BTLA: variants seen among roughly 807,000 people sequenced by gnomAD.
The protein encoded by BTLA is B- and T-lymphocyte attenuator.
In BTLA, 11 loss-of-function variants were observed where a neutral mutation model predicts 25.0. That is an observed-to-expected ratio of 0.44 (90% CI 0.28 to 0.73). BTLA has a LOEUF of 0.73. Among genes scored for constraint, BTLA ranks in the 30% least tolerant of loss-of-function variants. The pLI is 0.15. For missense variants in BTLA, 282 were observed against 332.8 expected, an observed-to-expected ratio of 0.85 and a Z score of 1.19; for synonymous variants, 104 against 119.8, an observed-to-expected ratio of 0.87 and a Z score of 0.86.
chr3:112,494,277 GGA>G (rs1417329436), intron 1 of BTLA, among the ~76,000 whole-genome samples: 1 of 152,148 alleles, frequency 6.6e-6, no homozygotes, highest in Non-Finnish European at 1.5e-5. Flanking sequence ...GCAAGTCTGT[GGA>G]GAATTAGGAA....
intron 2 of BTLA, among the ~76,000 whole-genome samples, chr3:112,473,116 C>A (rs1343372648): frequency 6.6e-6 from 1 of 151,180 alleles, no homozygotes; most frequent in Non-Finnish European, 1.5e-5. Flanking sequence ...CTCAAAACTC[C>A]CCCTAACTTA....
intron 1 of BTLA, among the ~76,000 whole-genome samples, chr3:112,482,792 G>A (rs1039512970): frequency 6.6e-6 from 1 of 152,016 alleles, no homozygotes; most frequent in Non-Finnish European, 1.5e-5. Context: ...ATAAGGATGA[G>A]GTTTTCAAAA....
chr3:112,483,083 A>G (rs4682410), intron 1 of BTLA, among the ~76,000 whole-genome samples: 115,248 of 150,746 alleles, frequency 0.76, 49,356 homozygotes, highest in Non-Finnish European at 0.96. Context: ...TTTACCCTCA[A>G]AGAGTTTACC....
At position 112,464,415 on chromosome 3, in the gene BTLA, A is replaced by G. The variant is rs1050575700; in HGVS notation, c.*1693T>C. The G allele has an allele frequency of 2.9e-6, 1 of 345,090 alleles. No homozygotes were observed. Among genetic ancestry groups the G allele is most frequent in the East Asian group, 4.1e-5 (1 of 24,572 alleles). The allele number at this position is 345,090 out of a possible 1,614,324, so 21.4% of individuals were successfully genotyped here. ...TCCTGTTTCTATTTTTAAGAATACC[A>G]CAAGCAGCTATTCTAACATGTCTTT... is the stretch of plus-strand genomic sequence containing the variant. On this transcript the variant is annotated 3_prime_UTR_variant, in exon 5 of 5. Transcript: ENST00000334529.
intron 1 of BTLA, among the ~76,000 whole-genome samples, chr3:112,491,102 C>T (rs954226733): frequency 3.3e-5 from 5 of 152,024 alleles, no homozygotes; most frequent in Non-Finnish European, 7.4e-5. Context: ...TTGCTTTTTC[C>T]GACATTTAGC....
At chr3:112,495,777 G>T (rs920779909) in intron 1 of BTLA, among the ~76,000 whole-genome samples, 1 of 152,166 alleles carries the variant, frequency 6.6e-6, no homozygotes, top group South Asian at 2.1e-4. Context: ...TTCAAGGAAT[G>T]ATATTTTTTG....
intron 1 of BTLA, among the ~76,000 whole-genome samples, chr3:112,494,903 T>A: frequency 6.6e-6 from 1 of 151,918 alleles, no homozygotes; most frequent in African/African-American, 2.4e-5. Flanking sequence ...AAAAAAAGAG[T>A]AGATAATAAT....
intron 1 of BTLA, among the ~76,000 whole-genome samples, chr3:112,480,160 C>T (rs1389223705): frequency 1.3e-5 from 2 of 152,126 alleles, no homozygotes; most frequent in Non-Finnish European, 2.9e-5. Context: ...TTGTAATCTC[C>T]CCCACCCTTA....
chr3:112,490,151 G>A (rs1444739977), intron 1 of BTLA, among the ~76,000 whole-genome samples: 1 of 152,142 alleles, frequency 6.6e-6, no homozygotes, highest in South Asian at 2.1e-4. Context: ...AGGTTAGGGT[G>A]GGGGAGTTCC....
intron 1 of BTLA, among the ~76,000 whole-genome samples, chr3:112,486,181 A>T (rs2082346677): frequency 6.6e-6 from 1 of 152,186 alleles, no homozygotes; most frequent in Admixed American, 6.5e-5. Flanking sequence ...ATATAATGAA[A>T]TATCCCTTGT....
intron 2 of BTLA, among the ~76,000 whole-genome samples, chr3:112,478,403 G>A (rs1188710346): frequency 6.6e-6 from 1 of 152,006 alleles, no homozygotes; most frequent in Non-Finnish European, 1.5e-5. Flanking sequence ...AAATGGAACT[G>A]TTTCCTTAAT....
chr3:112,482,705 AG>A (rs1324854014), intron 1 of BTLA, among the ~76,000 whole-genome samples: 1 of 152,222 alleles, frequency 6.6e-6, no homozygotes, highest in African/African-American at 2.4e-5. Context: ...ACCTCAAGCA[AG>A]TTCACTTTAA....
At chr3:112,499,207 G>A (rs2082427987) in intron 1 of BTLA, 64 bp downstream of exon 1, 7 of 1,161,816 alleles carry the variant, frequency 6.0e-6, no homozygotes, top group Non-Finnish European at 9.0e-6. Context: ...TTCAGCAAGG[G>A]AGAATGTTGC....
chr3:112,478,401 C>A (rs527601436), intron 2 of BTLA, among the ~76,000 whole-genome samples: 44 of 152,090 alleles, frequency 2.9e-4, no homozygotes, highest in African/African-American at 1.0e-3. Flanking sequence ...GTAAATGGAA[C>A]TGTTTCCTTA....
intron 2 of BTLA, among the ~76,000 whole-genome samples, chr3:112,471,993 T>C (rs2633567): frequency 1.3e-5 from 2 of 152,198 alleles, no homozygotes; most frequent in Non-Finnish European, 2.9e-5. Flanking sequence ...CAATTTAGTA[T>C]GTCACAAATA....
intron 2 of BTLA, 62 bp downstream of exon 2, chr3:112,479,393 C>A: frequency 6.8e-7 from 1 of 1,463,898 alleles, no homozygotes; most frequent in Non-Finnish European, 9.3e-7. Context: ...AGAAACTGAA[C>A]CCCCCTCTTC....
intron 3 of BTLA, 29 bp from the exon 4 acceptor site, chr3:112,469,833 C>A (rs777027034): frequency 6.3e-7 from 1 of 1,584,224 alleles, no homozygotes; most frequent in Non-Finnish European, 8.6e-7. Context: ...AAGAAGTAAT[C>A]AAAAGGAGTA....
intron 4 of BTLA, among the ~76,000 whole-genome samples, chr3:112,466,619 G>A (rs887782011): frequency 6.6e-6 from 1 of 152,170 alleles, no homozygotes. Context: ...CTTTATTACT[G>A]GTCACTTTTG....
intron 2 of BTLA, among the ~76,000 whole-genome samples, chr3:112,478,341 C>CAA (rs774476414): frequency 2.6e-5 from 4 of 152,138 alleles, no homozygotes; most frequent in Non-Finnish European, 4.4e-5. Context: ...AACTCTTATA[C>CAA]CTCTTTGGTT....
Sources: gnomAD v4.1 joint callset for allele counts (sites outside exome capture counted in the v4.1 genomes callset) on GRCh38, gnomAD v4.1.1 for gene constraint, MANE v1.5 for transcripts, NCBI Gene and HGNC (gene_info 2026-07-23, HGNC 2026-07-21) for gene names.